The following DNAH3 variants were observed in gnomAD, a reference collection of about 807,000 sequenced individuals.
DNAH3 encodes the protein axonemal beta dynein heavy chain 3.
DNAH3 carries 332 observed loss-of-function variants against 432.5 expected under a neutral mutation model. The ratio of observed to expected loss-of-function variants is 0.77; its 90% CI spans 0.70 to 0.84. The LOEUF is 0.84. DNAH3 is among the 40% of genes least tolerant of loss of function. DNAH3 has a pLI of 0.00. For synonymous variants in DNAH3, 1,956 were observed against 1,900.2 expected, an observed-to-expected ratio of 1.03 and a Z score of -0.76; for missense variants, 4,861 against 5,114.0, an observed-to-expected ratio of 0.95 and a Z score of 1.51.
chr16:20,972,647 C>T (rs2085395302), intron 51 of DNAH3, among the ~76,000 whole-genome samples: 1 of 151,972 alleles, frequency 6.6e-6, no homozygotes, highest in Admixed American at 6.6e-5. Context: ...AGGGATCAGA[C>T]CCACCCAGGG....
intron 51 of DNAH3, among the ~76,000 whole-genome samples, chr16:20,971,520 G>A (rs2152638742): frequency 6.6e-6 from 1 of 152,290 alleles, no homozygotes; most frequent in South Asian, 2.1e-4. Context: ...CCTCCTCCCT[G>A]GGTAGTTTCT....
intron 16 of DNAH3, among the ~76,000 whole-genome samples, chr16:21,102,679 C>A (rs929834987): frequency 1.3e-5 from 2 of 152,034 alleles, no homozygotes; most frequent in Admixed American, 6.6e-5. Flanking sequence ...TATAACAAAC[C>A]TGCACATGTA....
intron 41 of DNAH3, among the ~76,000 whole-genome samples, chr16:21,015,239 A>G (rs2087800007): frequency 6.6e-6 from 1 of 152,226 alleles, no homozygotes; most frequent in Non-Finnish European, 1.5e-5. Context: ...GCAATCTAAC[A>G]AGGAACAAAA....
intron 12 of DNAH3, 72 bp downstream of exon 12, chr16:21,117,131 T>C (rs2092222688): frequency 6.0e-6 from 6 of 1,002,270 alleles, no homozygotes; most frequent in South Asian, 1.5e-5. Context: ...GAATACCTTA[T>C]TGGATGAGAG....
chr16:20,951,342 G>A (rs2084298658), intron 56 of DNAH3, among the ~76,000 whole-genome samples: 1 of 151,668 alleles, frequency 6.6e-6, no homozygotes, highest in South Asian at 2.1e-4. Context: ...ATGCCTTTAA[G>A]AAGTTTGCCA....
chr16:21,139,843 A>T (rs1229105379), intron 5 of DNAH3, among the ~76,000 whole-genome samples: 1 of 135,930 alleles, frequency 7.4e-6, no homozygotes, highest in Non-Finnish European at 1.5e-5. Flanking sequence ...GCAGTGGCTC[A>T]ATCTTGGCTC....
At position 21,007,296 on chromosome 16, in the gene DNAH3, C is replaced by T. The variant is rs2152697631; in HGVS notation, c.6023-4089G>A. Among the ~76,000 whole-genome samples the T allele has an allele frequency of 1.3e-5, 2 of 150,876 alleles. 1 individual carries two copies. Among genetic ancestry groups the T allele is most frequent in the South Asian group, 4.2e-4 (2 of 4,764 alleles). ...ATGATCTTGGCCACTGCAACCCCTG[C>T]CTTCTGGGCTCAGGTGATCCTCCTG... On this transcript the variant is annotated intron_variant, in intron 41 of 61. Coordinates refer to ENST00000261383, the Ensembl canonical transcript of DNAH3.
intron 41 of DNAH3, among the ~76,000 whole-genome samples, chr16:21,018,142 A>C (rs1209834005): frequency 2.6e-5 from 4 of 152,178 alleles, no homozygotes; most frequent in African/African-American, 9.7e-5. Flanking sequence ...CACACATCCT[A>C]AGCCCACATT....
chr16:20,933,348 G>A (rs1279892057), exon 62 of DNAH3: 3 of 1,614,174 alleles, frequency 1.9e-6, no homozygotes, highest in Non-Finnish European at 2.5e-6. Flanking sequence ...CTCTCCCCAG[G>A]TTTCAGCCAA....
At chr16:20,946,565 C>T (rs895967849) in intron 57 of DNAH3, among the ~76,000 whole-genome samples, 2 of 152,158 alleles carry the variant, frequency 1.3e-5, no homozygotes, top group Non-Finnish European at 2.9e-5. Context: ...AGACTCTTTT[C>T]ATCCACAGAA....
chr16:21,079,565 G>A (rs959592596), intron 20 of DNAH3, among the ~76,000 whole-genome samples: 2 of 152,164 alleles, frequency 1.3e-5, no homozygotes, highest in Non-Finnish European at 2.9e-5. Context: ...GGAGGTTGCA[G>A]TGAGCTGAGA....
At chr16:20,974,114 T>G (rs1215834555) in intron 51 of DNAH3, among the ~76,000 whole-genome samples, 3 of 152,032 alleles carry the variant, frequency 2.0e-5, no homozygotes, top group African/African-American at 7.2e-5. Flanking sequence ...CTCGACCTCC[T>G]GGGCTCAGGA....
In DNAH3 at chr16:21,134,294, G is replaced by C. The variant is rs1273162837; in HGVS notation, c.1047C>G (p.Pro349=). The change falls in exon 7 of 62, where the codon CCC becomes CCG. Residue 349 remains proline, a synonymous_variant. Transcript: ENST00000261383. ...ACAGTTCTTTCAGCCTGAGCATCAT[G>C]GGGTTCACCGTGTGCAGATGCTCCT... 2.5e-6 allele frequency: 4 copies of C among 1,613,784 alleles called. No individual in the cohort carries two copies. The Admixed American group carries it at 6.7e-5, about 27-fold the overall frequency.
intron 20 of DNAH3, among the ~76,000 whole-genome samples, chr16:21,081,171 G>A (rs144196481): frequency 6.6e-4 from 101 of 152,052 alleles, no homozygotes; most frequent in Middle Eastern, 3.4e-3. Context: ...CGCCTGCCTC[G>A]GCCCCCCAGA....
intron 23 of DNAH3, among the ~76,000 whole-genome samples, chr16:21,068,394 A>G (rs2090656429): frequency 1.3e-5 from 2 of 151,858 alleles, no homozygotes; most frequent in African/African-American, 2.4e-5. Flanking sequence ...GGCTCACTGC[A>G]ACCTCTGCCT....
chr16:21,105,523 T>C (rs1003532628), intron 15 of DNAH3, among the ~76,000 whole-genome samples: 2 of 151,842 alleles, frequency 1.3e-5, no homozygotes, highest in Non-Finnish European at 2.9e-5. Flanking sequence ...CCCAGTACAT[T>C]GGGAGGTCGA....
intron 37 of DNAH3, among the ~76,000 whole-genome samples, chr16:21,029,076 A>C (rs1220797454): frequency 3.3e-5 from 5 of 152,226 alleles, no homozygotes; most frequent in Non-Finnish European, 7.3e-5. Flanking sequence ...TTACATCCAG[A>C]GCAGAGGAAA....
intron 54 of DNAH3, among the ~76,000 whole-genome samples, chr16:20,955,514 G>A (rs1420691070): frequency 6.6e-6 from 1 of 151,524 alleles, no homozygotes; most frequent in Non-Finnish European, 1.5e-5. Context: ...TGCCCAGGCT[G>A]GTCTCGAACT....
intron 28 of DNAH3, 90 bp downstream of exon 28, chr16:21,054,330 G>A (rs2090058449): frequency 9.9e-7 from 1 of 1,006,460 alleles, no homozygotes; most frequent in African/African-American, 1.6e-5. Flanking sequence ...AGGAAACCCT[G>A]AATTATTCCG....
Sources: allele counts gnomAD v4.1 joint callset (sites outside exome capture counted in the v4.1 genomes callset), GRCh38; gene constraint gnomAD v4.1.1; transcripts MANE v1.5; gene names NCBI Gene and HGNC (gene_info 2026-07-23, HGNC 2026-07-21).